CSMD3: variants seen among roughly 807,000 people sequenced by gnomAD.
CSMD3 encodes the protein CUB and Sushi multiple domains 3.
A neutral mutation model predicts 435.2 loss-of-function variants in CSMD3; 177 were observed. That is an observed-to-expected ratio of 0.41 (90% CI 0.36 to 0.46). The LOEUF (loss-of-function observed/expected upper bound fraction) is 0.46. Among genes scored for constraint, CSMD3 ranks in the 20% least tolerant of loss-of-function variants. The pLI, the probability that CSMD3 is intolerant of heterozygous loss-of-function variation, is 0.34. For synonymous variants in CSMD3, 1,656 were observed against 1,520.5 expected (o/e 1.09, Z -2.07); for missense variants, 4,265 against 4,504.6 (o/e 0.95, Z 1.52).
chr8:112,958,308 A>G (rs2084105001), intron 7 of CSMD3, among the ~76,000 whole-genome samples: 1 of 152,146 alleles, frequency 6.6e-6, no homozygotes, highest in Non-Finnish European at 1.5e-5. Context: ...ATTTTTAATC[A>G]TTTTTAAAAT....
At chr8:113,017,278 A>T (rs748245771) in intron 6 of CSMD3, among the ~76,000 whole-genome samples, 1 of 152,010 alleles carries the variant, frequency 6.6e-6, no homozygotes, top group Non-Finnish European at 1.5e-5. Flanking sequence ...TCAATTAAAG[A>T]CCAATGAGTA....
chr8:113,342,835 G>T (rs1481197884), intron 1 of CSMD3, among the ~76,000 whole-genome samples: 1 of 151,536 alleles, frequency 6.6e-6, no homozygotes, highest in Non-Finnish European at 1.5e-5. Context: ...GAAGATAACA[G>T]AATCCAAAGT....
At position 113,305,797 on chromosome 8, in the gene CSMD3, G is replaced by A. The variant is rs183098891; in HGVS notation, c.401+8774C>T. 5.1e-3 allele frequency among the ~76,000 whole-genome samples: 784 copies of A among 152,304 alleles called. 3 individuals are homozygous for A. Among genetic ancestry groups the A allele is most frequent in the Non-Finnish European group, 8.2e-3 (559 of 68,012 alleles). Reference sequence around the variant, plus strand: ...CAAAGTAAGTAATGATAACTAAAGAGAATAATCATTAACTGCCTAAGATGC... The same window carrying A: ...CAAAGTAAGTAATGATAACTAAAGAAAATAATCATTAACTGCCTAAGATGC... On this transcript the variant is annotated intron_variant, in intron 2 of 70. Coordinates refer to ENST00000297405, the MANE Select transcript of CSMD3 (RefSeq NM_198123.2).
chr8:112,941,330 C>T (rs542470401), intron 9 of CSMD3, among the ~76,000 whole-genome samples: 83 of 151,902 alleles, frequency 5.5e-4, no homozygotes, highest in Non-Finnish European at 1.1e-3. Flanking sequence ...AATGCCAACA[C>T]TGAGTACTTT....
chr8:113,032,185 C>T (rs1400078271), intron 5 of CSMD3, among the ~76,000 whole-genome samples: 1 of 151,432 alleles, frequency 6.6e-6, no homozygotes, highest in African/African-American at 2.4e-5. Context: ...ATAAAGATAA[C>T]CTGAAAATGA....
rs949002545 is a variant in CSMD3, at chr8:112,258,851, G to A, written c.9863-3424C>T. 6.6e-5 allele frequency among the ~76,000 whole-genome samples: 10 copies of A among 152,092 alleles called. No homozygotes were observed. In the South Asian group the frequency reaches 1.0e-3, roughly 16 times the overall value. ...TCAGGAGATCGAGACCATCCTGGCTGACACGGTGAAACCCCATCTCTACTA... is the reference window on the plus strand; with the variant it reads ...TCAGGAGATCGAGACCATCCTGGCTAACACGGTGAAACCCCATCTCTACTA... On this transcript the variant is annotated intron_variant, in intron 61 of 70. Coordinates refer to ENST00000297405, the MANE Select transcript of CSMD3 (RefSeq NM_198123.2).
intron 36 of CSMD3, among the ~76,000 whole-genome samples, chr8:112,389,828 C>T (rs1830267845): frequency 6.6e-6 from 1 of 152,016 alleles, no homozygotes; most frequent in African/African-American, 2.4e-5. Context: ...ACTGATTCTG[C>T]AGTAAAATAT....
chr8:113,364,120 C>T (rs980467718), intron 1 of CSMD3, among the ~76,000 whole-genome samples: 1 of 151,928 alleles, frequency 6.6e-6, no homozygotes. Flanking sequence ...TTAAAGAATT[C>T]TTATGTGTTT....
chr8:112,544,032 A>G (rs1190349391), intron 27 of CSMD3, among the ~76,000 whole-genome samples: 1 of 152,144 alleles, frequency 6.6e-6, no homozygotes, highest in African/African-American at 2.4e-5. Context: ...AATTAATAGA[A>G]TCAGAGCCTG....
intron 38 of CSMD3, among the ~76,000 whole-genome samples, chr8:112,354,758 AAATG>A (rs1826436138): frequency 1.3e-5 from 2 of 152,252 alleles, no homozygotes; most frequent in Non-Finnish European, 2.9e-5. Flanking sequence ...AATATTGTTA[AAATG>A]ACCATATTTC....
chr8:113,082,626 A>T (rs952551283), intron 5 of CSMD3, among the ~76,000 whole-genome samples: 1 of 152,124 alleles, frequency 6.6e-6, no homozygotes, highest in African/African-American at 2.4e-5. Context: ...GGAAATCTAT[A>T]AAATTCATGA....
chr8:112,668,265 T>C (rs1386097857), intron 16 of CSMD3, among the ~76,000 whole-genome samples: 1 of 152,168 alleles, frequency 6.6e-6, no homozygotes, highest in Non-Finnish European at 1.5e-5. Flanking sequence ...AATGAAATTA[T>C]GTGCATAATA....
At chr8:112,236,140 A>C (rs969243736) in intron 67 of CSMD3, among the ~76,000 whole-genome samples, 14 of 151,900 alleles carry the variant, frequency 9.2e-5, no homozygotes, top group African/African-American at 3.1e-4. Flanking sequence ...TAAGAATGAC[A>C]CTCAAAATTC....
At chr8:113,035,897 T>G (rs1015150287) in intron 5 of CSMD3, among the ~76,000 whole-genome samples, 3 of 151,984 alleles carry the variant, frequency 2.0e-5, no homozygotes, top group African/African-American at 7.2e-5. Context: ...TAAATTGCTT[T>G]TCCTTGCACA....
intron 49 of CSMD3, among the ~76,000 whole-genome samples, chr8:112,313,341 TC>T (rs1298702194): frequency 6.6e-6 from 1 of 152,164 alleles, no homozygotes; most frequent in Non-Finnish European, 1.5e-5. Flanking sequence ...TGTTACTCTC[TC>T]TTTCGACATT....
At chr8:113,036,895 T>G (rs1046098949) in intron 5 of CSMD3, among the ~76,000 whole-genome samples, 1 of 152,090 alleles carries the variant, frequency 6.6e-6, no homozygotes, top group South Asian at 2.1e-4. Flanking sequence ...TTACCAAAAA[T>G]ATTTAAGGAG....
chr8:112,491,659 A>G (rs1330061495), intron 31 of CSMD3, among the ~76,000 whole-genome samples: 3 of 152,124 alleles, frequency 2.0e-5, no homozygotes, highest in Non-Finnish European at 2.9e-5. Flanking sequence ...AAAAACAAAG[A>G]AAAAAAGTAC....
chr8:113,365,976 T>C (rs773052132), intron 1 of CSMD3, among the ~76,000 whole-genome samples: 4 of 152,008 alleles, frequency 2.6e-5, no homozygotes, highest in African/African-American at 4.8e-5. Context: ...GTTTAATCAA[T>C]ACATTTAAAA....
intron 3 of CSMD3, among the ~76,000 whole-genome samples, chr8:113,192,332 C>T (rs1267680072): frequency 6.6e-6 from 1 of 151,478 alleles, no homozygotes; most frequent in Admixed American, 6.6e-5. Context: ...TTATATTTGA[C>T]AATGAAGGCA....
Sources: gnomAD v4.1 joint callset for allele counts (sites outside exome capture counted in the v4.1 genomes callset) on GRCh38, gnomAD v4.1.1 for gene constraint, MANE v1.5 for transcripts, NCBI Gene and HGNC (gene_info 2026-07-23, HGNC 2026-07-21) for gene names.